ZFHX3: variants seen among roughly 807,000 people sequenced by gnomAD.
ZFHX3 encodes the protein zinc finger homeobox 3, also known as zinc finger homeobox protein 3.
ZFHX3 carries 42 observed loss-of-function variants against 279.1 expected under a neutral mutation model. The observed-to-expected ratio is 0.15, with a 90% CI of 0.12 to 0.19. The LOEUF is 0.19. Among genes scored for constraint, ZFHX3 ranks in the 10% least tolerant of loss-of-function variants. The probability of loss-of-function intolerance (pLI) is 1.00; values close to 1 mark genes in which losing one functional copy is unlikely to be tolerated. For synonymous variants in ZFHX3, 2,293 were observed against 1,957.8 expected (o/e 1.17, Z -4.52); for missense variants, 4,981 against 4,754.0 (o/e 1.05, Z -1.40).
At chr16:73,116,120 C>T (rs1185599121) in intron 7 of ZFHX3, among the ~76,000 whole-genome samples, 1 of 132,506 alleles carries the variant, frequency 7.5e-6, no homozygotes, top group Non-Finnish European at 1.6e-5. Flanking sequence ...AACTCTGTCT[C>T]AAAAAAAAAA....
intron 7 of ZFHX3, among the ~76,000 whole-genome samples, chr16:73,120,301 C>T (rs562924502): frequency 6.6e-6 from 1 of 152,062 alleles, no homozygotes; most frequent in Non-Finnish European, 1.5e-5. Flanking sequence ...TGCTCTGTCA[C>T]CCCGGCTGGA....
chr16:73,793,035 A>G (rs1959881172), intron 1 of ZFHX3, among the ~76,000 whole-genome samples: 1 of 152,150 alleles, frequency 6.6e-6, no homozygotes, highest in African/African-American at 2.4e-5. Context: ...AGACGGGGAG[A>G]GAAGGGAGGG....
At chr16:73,112,766 T>C (rs1966392234) in intron 7 of ZFHX3, among the ~76,000 whole-genome samples, 1 of 123,928 alleles carries the variant, frequency 8.1e-6, no homozygotes, top group African/African-American at 3.1e-5. Context: ...CCCAGTAGAC[T>C]GAGAAAGGGG....
intron 6 of ZFHX3, among the ~76,000 whole-genome samples, chr16:73,135,379 T>C (rs1966769827): frequency 6.6e-6 from 1 of 152,192 alleles, no homozygotes; most frequent in African/African-American, 2.4e-5. Context: ...TCCAGGACAT[T>C]GGATAGAATG....
chr16:72,800,998 T>C (rs1019257640), intron 7 of ZFHX3, among the ~76,000 whole-genome samples: 1 of 152,254 alleles, frequency 6.6e-6, no homozygotes, highest in Admixed American at 6.5e-5. Context: ...GCCAGAAGCC[T>C]GTCCAAACAA....
rs117257979 is a variant in ZFHX3 at position 73,112,349 on chromosome 16, A to G, written c.-897+18619T>C. Among the ~76,000 whole-genome samples, 55 of 152,266 alleles carry G rather than the reference A, an allele frequency of 3.6e-4. No individual in the cohort carries two copies. The East Asian group carries it at 9.1e-3, about 25-fold the overall frequency. ...GAAGAAGGGCAGGGCCTGTGAGGCA[A>G]GGAGCTTTGGGAGTCCTAGTCTCAT... On this transcript the variant is annotated intron_variant, in intron 7 of 17. Transcript: ENST00000641206.
At chr16:72,839,638 C>A (rs9921494) in intron 4 of ZFHX3, among the ~76,000 whole-genome samples, 28,983 of 151,026 alleles carry the variant, frequency 0.19, 2,982 homozygotes, top group Admixed American at 0.3. Context: ...CCACCCCCCC[C>A]AAAAAAAAGC....
chr16:72,851,879 A>G (rs978923028), intron 4 of ZFHX3, among the ~76,000 whole-genome samples: 2 of 152,168 alleles, frequency 1.3e-5, no homozygotes, highest in Non-Finnish European at 2.9e-5. Context: ...CTGTAATAAT[A>G]AGGCATGCTC....
At chr16:73,545,111 A>G (rs2020086833) in intron 2 of ZFHX3, among the ~76,000 whole-genome samples, 1 of 152,108 alleles carries the variant, frequency 6.6e-6, no homozygotes, top group South Asian at 2.1e-4. Flanking sequence ...CAGTCTCCAC[A>G]GTGAGGCCCC....
At chr16:73,244,963 C>A (rs908810818) in intron 5 of ZFHX3, among the ~76,000 whole-genome samples, 3 of 152,152 alleles carry the variant, frequency 2.0e-5, no homozygotes, top group Non-Finnish European at 4.4e-5. Context: ...CTTACAATTG[C>A]AGGTGGAGGT....
chr16:73,428,560 C>T (rs576173058), intron 3 of ZFHX3, among the ~76,000 whole-genome samples: 22 of 152,234 alleles, frequency 1.4e-4, no homozygotes, highest in African/African-American at 4.6e-4. Flanking sequence ...CATGCAGGGT[C>T]GAGGAATAGC....
intron 4 of ZFHX3, among the ~76,000 whole-genome samples, chr16:72,837,242 A>G (rs1295761974): frequency 1.3e-5 from 2 of 152,220 alleles, no homozygotes; most frequent in African/African-American, 2.4e-5. Flanking sequence ...CTGCTGGACT[A>G]AACAGTCAGA....
chr16:73,033,010 T>C (rs555347215), intron 1 of ZFHX3, among the ~76,000 whole-genome samples: 2 of 151,928 alleles, frequency 1.3e-5, no homozygotes, highest in Admixed American at 6.5e-5. Flanking sequence ...AGGAAGAAGG[T>C]AGATGCATGG....
intron 5 of ZFHX3, among the ~76,000 whole-genome samples, chr16:73,158,618 G>A (rs1967153814): frequency 2.6e-5 from 4 of 152,072 alleles, no homozygotes; most frequent in South Asian, 2.1e-4. Context: ...TGAGTACATC[G>A]TTGCCACTCA....
Position 72,798,229 on chromosome 16 carries a change from G to A in ZFHX3, c.4453C>T (p.His1485Tyr). 6.2e-7 allele frequency: 1 copy of A among 1,614,172 alleles called. No individual in the cohort carries two copies. Among genetic ancestry groups the A allele is most frequent in the East Asian group, 2.2e-5 (1 of 44,866 alleles). Residue 1485 changes from histidine to tyrosine, a missense_variant, in exon 9 of 10, where the codon CAT becomes TAT. Physicochemically the swap from His to Tyr is moderately conservative, Grantham distance 83. Transcript: ENST00000268489. ...TTGTCTTCCTCAACAATTATGGTAT[G>A]GTCCTCTGCCAGAGTGGGGTCTCCC... ...AMGDPTLAEDHTIIVEEDKEE... is the reference protein window; with the variant it reads ...AMGDPTLAEDYTIIVEEDKEE...
At chr16:72,817,371 T>G (rs571600311) in intron 5 of ZFHX3, among the ~76,000 whole-genome samples, 1 of 152,280 alleles carries the variant, frequency 6.6e-6, no homozygotes, top group Non-Finnish European at 1.5e-5. Context: ...ATCTAGTAAC[T>G]CTGTACAACT....
At chr16:73,345,173 A>G (rs1434675111) in intron 3 of ZFHX3, among the ~76,000 whole-genome samples, 1 of 152,150 alleles carries the variant, frequency 6.6e-6, no homozygotes, top group Non-Finnish European at 1.5e-5. Flanking sequence ...CCAATTAGAC[A>G]CAGCTATTTT....
chr16:72,985,828 G>C (rs1962817305), intron 1 of ZFHX3, among the ~76,000 whole-genome samples: 1 of 152,126 alleles, frequency 6.6e-6, no homozygotes, highest in South Asian at 2.1e-4. Flanking sequence ...CGGCAGAGCA[G>C]GGGTTAATGG....
chr16:73,291,547 CAGG>C (rs1242631981), intron 4 of ZFHX3, among the ~76,000 whole-genome samples: 1 of 152,196 alleles, frequency 6.6e-6, no homozygotes, highest in Non-Finnish European at 1.5e-5. Context: ...TGGAGTTGCT[CAGG>C]AGAGCATCTG....
Sources: gnomAD v4.1 joint callset for allele counts (sites outside exome capture counted in the v4.1 genomes callset) on GRCh38, gnomAD v4.1.1 for gene constraint, MANE v1.5 for transcripts, NCBI Gene and HGNC (gene_info 2026-07-23, HGNC 2026-07-21) for gene names.